STK3: variants seen among roughly 807,000 people sequenced by gnomAD.
STK3 encodes serine/threonine kinase 3.
A neutral mutation model predicts 58.0 loss-of-function variants in STK3; 41 were observed. The observed-to-expected ratio is 0.71, with a 90% confidence interval of 0.55 to 0.92. The LOEUF (loss-of-function observed/expected upper bound fraction) is 0.92. Ranked by LOEUF, STK3 falls within the 40% of genes least tolerant of loss-of-function variation. The probability of loss-of-function intolerance (pLI) is 0.00; values close to 1 mark genes in which losing one functional copy is unlikely to be tolerated. For missense variants in STK3, 479 were observed against 602.7 expected (o/e 0.79, Z 2.15); for synonymous variants, 170 against 191.0 (o/e 0.89, Z 0.91).
At chr8:98,391,891 C>T (rs1817851101), upstream of STK3, among the ~76,000 whole-genome samples, 1 of 152,098 alleles carries the variant, frequency 6.6e-6, no homozygotes, top group Admixed American at 6.5e-5. Flanking sequence ...AGGTAGTTTC[C>T]TGATGAATTT....
At chr8:98,678,356 C>T (rs921992474) in intron 6 of STK3, among the ~76,000 whole-genome samples, 78 of 152,128 alleles carry the variant, frequency 5.1e-4, no homozygotes, top group African/African-American at 1.7e-3. Context: ...TAAATTAAAA[C>T]TTATCATCAG....
intron 10 of STK3, among the ~76,000 whole-genome samples, chr8:98,503,965 G>C (rs1263836774): frequency 1.3e-5 from 2 of 149,638 alleles, no homozygotes; most frequent in Non-Finnish European, 3.0e-5. Flanking sequence ...CTGTCTTGTT[G>C]ATCTAATATT....
intron 1 of STK3, among the ~76,000 whole-genome samples, chr8:98,805,943 A>G (rs1409052337): frequency 6.6e-6 from 1 of 152,102 alleles, no homozygotes; most frequent in Non-Finnish European, 1.5e-5. Flanking sequence ...CACTGTCCCC[A>G]CCCATCCACA....
At chr8:98,521,181 G>A (rs1017374724) in intron 10 of STK3, among the ~76,000 whole-genome samples, 5 of 152,042 alleles carry the variant, frequency 3.3e-5, no homozygotes, top group Admixed American at 6.6e-5. Context: ...TAGTCACTCC[G>A]TCCCTCCTGC....
intron 3 of STK3, among the ~76,000 whole-genome samples, chr8:98,756,997 C>G (rs1234797068): frequency 2.0e-5 from 3 of 152,168 alleles, no homozygotes; most frequent in African/African-American, 7.2e-5. Context: ...GGAAACCACA[C>G]AAACATTCTT....
At chr8:98,801,908 A>G (rs1048109973) in intron 1 of STK3, among the ~76,000 whole-genome samples, 1 of 152,200 alleles carries the variant, frequency 6.6e-6, no homozygotes, top group African/African-American at 2.4e-5. Flanking sequence ...ACAGTGGCTC[A>G]TACCTGCAAT....
chr8:98,713,142 G>C (rs199766319), intron 4 of STK3, among the ~76,000 whole-genome samples: 1 of 152,170 alleles, frequency 6.6e-6, no homozygotes, highest in African/African-American at 2.4e-5. Context: ...GCAGTGTGTA[G>C]AGGGAAATTT....
intron 4 of STK3, among the ~76,000 whole-genome samples, chr8:98,736,395 C>T (rs751893669): frequency 6.6e-6 from 1 of 152,060 alleles, no homozygotes; most frequent in Non-Finnish European, 1.5e-5. Context: ...ATTCTAGGAG[C>T]CAGTTCTCAT....
At chr8:98,723,532 T>C (rs1310040824) in intron 4 of STK3, among the ~76,000 whole-genome samples, 1 of 152,140 alleles carries the variant, frequency 6.6e-6, no homozygotes, top group Non-Finnish European at 1.5e-5. Context: ...CTTAATGTTT[T>C]TAGATCAGTA....
chr8:98,418,479 A>T (rs1219013173), intron 3 of STK3, among the ~76,000 whole-genome samples: 1 of 152,164 alleles, frequency 6.6e-6, no homozygotes, highest in Admixed American at 6.5e-5. Context: ...GGGTGGATGG[A>T]TGGATGGATC....
intron 4 of STK3, among the ~76,000 whole-genome samples, chr8:98,729,746 T>C (rs1307345219): frequency 1.3e-5 from 2 of 152,256 alleles, no homozygotes; most frequent in Admixed American, 1.3e-4. Context: ...ACTCATATCT[T>C]GTCCCATATA....
At chr8:98,406,281 T>TTTTA (rs1433853266) in intron 3 of STK3, among the ~76,000 whole-genome samples, 49 of 83,770 alleles carry the variant, frequency 5.8e-4, no homozygotes, top group African/African-American at 1.7e-3. Context: ...TTTTATTTTA[T>TTTTA]TTTATTTTAT....
At chr8:98,887,104 GA>G (rs929080650) in intron 1 of STK3, among the ~76,000 whole-genome samples, 4 of 151,534 alleles carry the variant, frequency 2.6e-5, no homozygotes, top group Non-Finnish European at 5.9e-5. Context: ...CTCAAAAAAA[GA>G]AAAAAAGAAA....
intron 3 of STK3, among the ~76,000 whole-genome samples, chr8:98,411,136 C>G (rs948923367): frequency 6.6e-6 from 1 of 152,186 alleles, no homozygotes; most frequent in African/African-American, 2.4e-5. Context: ...CTTTTCAGCT[C>G]TTGCATAGTC....
chr8:98,713,382 A>G (rs1826694897), intron 4 of STK3, among the ~76,000 whole-genome samples: 1 of 152,068 alleles, frequency 6.6e-6, no homozygotes, highest in African/African-American at 2.4e-5. Flanking sequence ...ATAGACCGCT[A>G]GCAAGACTAA....
chr8:98,393,600 C>T (rs1340994028), intron 3 of STK3: 2 of 152,132 alleles, frequency 1.3e-5, no homozygotes, highest in African/African-American at 4.8e-5. Context: ...GATTCCTGCC[C>T]CAACCACCTG....
At chr8:98,351,190 T>G in the STK3 span, among the ~76,000 whole-genome samples, 2 of 152,184 alleles carry the variant, frequency 1.3e-5, no homozygotes, top group Non-Finnish European at 2.9e-5. Flanking sequence ...CTAAGAAGTC[T>G]TCTAGAGCAC....
chr8:98,525,613 T>A (rs1382791937), intron 10 of STK3, among the ~76,000 whole-genome samples: 2 of 152,150 alleles, frequency 1.3e-5, no homozygotes, highest in Non-Finnish European at 2.9e-5. Context: ...GTATTGATTT[T>A]ATTTTTCTAA....
chr8:98,576,408 A>C (rs1732806043), intron 8 of STK3, among the ~76,000 whole-genome samples: 1 of 152,168 alleles, frequency 6.6e-6, no homozygotes, highest in African/African-American at 2.4e-5. Flanking sequence ...TATGAATTTG[A>C]GAACTGACTT....
Sources: gnomAD v4.1 joint callset for allele counts (sites outside exome capture counted in the v4.1 genomes callset) on GRCh38, gnomAD v4.1.1 for gene constraint, MANE v1.5 for transcripts, NCBI Gene and HGNC (gene_info 2026-07-23, HGNC 2026-07-21) for gene names.